USP40: variants seen among roughly 807,000 people sequenced by gnomAD.
USP40 encodes ubiquitin specific peptidase 40.
A neutral mutation model predicts 166.2 loss-of-function variants in USP40; 143 were observed. The observed-to-expected ratio is 0.86, with a 90% CI of 0.75 to 0.99. The LOEUF (loss-of-function observed/expected upper bound fraction) is 0.99. Among genes scored for constraint, USP40 ranks in the 50% least tolerant of loss-of-function variants. The probability of loss-of-function intolerance (pLI) is 0.00; values close to 1 mark genes in which losing one functional copy is unlikely to be tolerated. For synonymous variants in USP40, 498 were observed against 524.0 expected, an observed-to-expected ratio of 0.95 and a Z score of 0.68; for missense variants, 1,444 against 1,479.7, an observed-to-expected ratio of 0.98 and a Z score of 0.40.
chr2:233,558,010 A>T (rs917182112), intron 4 of USP40, among the ~76,000 whole-genome samples: 1 of 151,184 alleles, frequency 6.6e-6, no homozygotes, highest in Non-Finnish European at 1.5e-5. Flanking sequence ...TCAAAAAAAA[A>T]AAAAAAAAAA....
At chr2:233,537,073 G>A (rs1296470939) in intron 10 of USP40, among the ~76,000 whole-genome samples, 1 of 152,046 alleles carries the variant, frequency 6.6e-6, no homozygotes, top group Non-Finnish European at 1.5e-5. Flanking sequence ...TTGTACAGAT[G>A]GGGTCTTGCT....
chr2:233,545,061 GCAAA>G (rs1180999657), intron 8 of USP40, among the ~76,000 whole-genome samples: 1 of 152,038 alleles, frequency 6.6e-6, no homozygotes, highest in Non-Finnish European at 1.5e-5. Context: ...TTCTTAAAAA[GCAAA>G]CAAACAAGCA....
chr2:233,550,252 T>G (rs2070428958), intron 7 of USP40, among the ~76,000 whole-genome samples: 2 of 152,132 alleles, frequency 1.3e-5, no homozygotes, highest in East Asian at 1.9e-4. Context: ...GCCAAGTGAC[T>G]TTTTTCCATT....
chr2:233,489,575 T>A, intron 26 of USP40, 92 bp from the exon 27 acceptor site: 1 of 993,818 alleles, frequency 1.0e-6, no homozygotes, highest in Non-Finnish European at 1.5e-6. Flanking sequence ...CACTACACAG[T>A]GGCATCTCAA....
At chr2:233,522,676 C>G (rs838544) in intron 16 of USP40, among the ~76,000 whole-genome samples, 41,847 of 152,012 alleles carry the variant, frequency 0.28, 6,658 homozygotes, top group African/African-American at 0.45. Flanking sequence ...TAATTCGCCA[C>G]GTAACTGCTC....
Position 233,565,366 on chromosome 2 carries a change from A to T in USP40, c.189T>A (p.Pro63=). The stretch of plus-strand genomic sequence containing the variant: ...CGTAACATAGCATACCTCTGAATTC[A>T]GGTGTGAAATGAAGAGTCTGAAGAA... ...NSLLQTLHFT[P]EFREALFSLG... The change falls in exon 2 of 32, where the codon CCT becomes CCA. Residue 63 remains proline (P), a synonymous_variant. Coordinates refer to ENST00000678225, the MANE Select transcript of USP40 (RefSeq NM_001365479.2). The T allele has an allele frequency of 6.5e-7, 1 of 1,536,240 alleles. No homozygotes were observed. Among genetic ancestry groups the T allele is most frequent in the Non-Finnish European group, 8.7e-7 (1 of 1,145,974 alleles).
rs903632404 is a variant in USP40, at chr2:233,476,253, G to A, written c.*1139C>T. 7.9e-5 allele frequency: 12 copies of A among 152,318 alleles called. No homozygotes were observed. Among genetic ancestry groups the A allele is most frequent in the African/African-American group, 2.2e-4 (9 of 41,428 alleles). The allele number at this position is 152,318 out of a possible 1,614,324, so 9.4% of individuals were successfully genotyped here. On this transcript the variant is annotated 3_prime_UTR_variant, in exon 32 of 32. Coordinates refer to ENST00000678225, the MANE Select transcript of USP40 (RefSeq NM_001365479.2). ...TTCAGTGCTGCTTCCCATCAGTGAC[G>A]GGGCTGACGAGAAACCGTGAGGCCC... is the stretch of plus-strand genomic sequence containing the variant.
At position 233,493,318 on chromosome 2, in the gene USP40, G is replaced by C; in HGVS notation, c.2917+107C>G. The C allele has an allele frequency of 6.8e-7, 1 of 1,470,278 alleles. No homozygotes were observed. Among genetic ancestry groups the C allele is most frequent in the Non-Finnish European group, 9.3e-7 (1 of 1,073,764 alleles). 91.1% of individuals were successfully genotyped at this position (1,470,278 alleles called of 1,614,324 possible). A position where few individuals can be genotyped will look rare whatever the true frequency, so the allele number is the denominator to read the frequency against. ...GAAATTAATAGGTCTTGATTTTCAA[G>C]ATCTTACGTTTTAAAAATAAATATA... On this transcript the variant is annotated intron_variant, in intron 25 of 31. Coordinates refer to ENST00000678225, the MANE Select transcript of USP40 (RefSeq NM_001365479.2). This position sits in a 1 kb window ranked among gnomAD's most constrained non-coding sequence, Gnocchi z 4.7.
Position 233,486,062 on chromosome 2 carries a change from C to A in USP40, c.3198-85G>T. The A allele has an allele frequency of 7.1e-7, 1 of 1,409,450 alleles. No homozygotes were observed. 87.3% of individuals were successfully genotyped at this position (1,409,450 alleles called of 1,614,324 possible). The stretch of plus-strand genomic sequence containing the variant: ...TTGAGGCATAATGGGCAAAGCTTCT[C>A]CTCCAGCTTTTCTGGTTTTTATAAG... On this transcript the variant is annotated intron_variant, in intron 28 of 31. Coordinates refer to ENST00000678225, the MANE Select transcript of USP40 (RefSeq NM_001365479.2). This position sits in a 1 kb window ranked among gnomAD's most constrained non-coding sequence, Gnocchi z 4.0.
rs1229015106 is a variant in USP40, at chr2:233,523,505, G to A, written c.1882-16C>T. 6.2e-7 allele frequency: 1 copy of A among 1,604,840 alleles called. No homozygotes were observed. The highest frequency in any genetic ancestry group is 1.3e-5 in the African/African-American group (1 of 74,798). On this transcript the variant is annotated splice_polypyrimidine_tract_variant and intron_variant, in intron 15 of 31. Transcript: ENST00000678225. ...CTCCACCAACCTGCAATCATACCAA[G>A]ACAACCATTAGTACAGCTGATATTT...
chr2:233,514,912 T>C (rs187994025), intron 18 of USP40, among the ~76,000 whole-genome samples: 1 of 152,318 alleles, frequency 6.6e-6, no homozygotes, highest in Admixed American at 6.5e-5. Flanking sequence ...TTGCAGCCAA[T>C]CCCTCTTCCT....
rs71058559 is a variant in USP40 at position 233,494,956 on chromosome 2, TTATATATA to T, written c.2791-1413_2791-1406del. 1.5e-3 allele frequency among the ~76,000 whole-genome samples: 53 copies of T among 35,494 alleles called. 2 individuals are homozygous for T. Among genetic ancestry groups the T allele is most frequent in the African/African-American group, 3.6e-3 (32 of 8,804 alleles). 23.3% of individuals were successfully genotyped at this position (35,494 alleles called of 152,430 possible). A position where few individuals can be genotyped will look rare whatever the true frequency, so the allele number is the denominator to read the frequency against. ...TATATATATATATATATATATATAT[TTATATATA>T]TATATATATATATATACACACACAT... On this transcript the variant is annotated intron_variant, in intron 24 of 31. Coordinates refer to ENST00000678225, the MANE Select transcript of USP40 (RefSeq NM_001365479.2).
At position 233,527,488 on chromosome 2, in the gene USP40, T is replaced by A; in HGVS notation, c.1644A>T (p.Val548=). The part of the protein sequence containing the change: ...YHFFNGALHP[V]VSQTESVWDL... ...CCCACACGCTTTCTGTTTGAGAGACTACTGGGTGCAGAGCCCCATTGAAGA... is the reference window on the plus strand; with the variant it reads ...CCCACACGCTTTCTGTTTGAGAGACAACTGGGTGCAGAGCCCCATTGAAGA... The change falls in exon 13 of 32, where the codon GTA becomes GTT. Residue 548 remains valine (V), a synonymous_variant. Transcript: ENST00000678225. 3.7e-6 allele frequency: 6 copies of A among 1,613,826 alleles called. No homozygotes were observed. The highest frequency in any genetic ancestry group is 5.1e-6 in the Non-Finnish European group (6 of 1,179,776).
At chr2:233,521,485 G>A (rs1444846979) in intron 16 of USP40, among the ~76,000 whole-genome samples, 1 of 152,186 alleles carries the variant, frequency 6.6e-6, no homozygotes, top group Admixed American at 6.5e-5. Flanking sequence ...GCAGCCATGT[G>A]CAGTCTGTAG....
intron 6 of USP40, among the ~76,000 whole-genome samples, chr2:233,551,726 T>A (rs140387223): frequency 0.018 from 2,673 of 152,316 alleles, 75 homozygotes; most frequent in Admixed American, 0.074. Flanking sequence ...TGCTTACAAT[T>A]AATAATTTAC....
In USP40 at chr2:233,562,797, A is replaced by G; in HGVS notation, c.206T>C (p.Leu69Pro). 1 of 1,532,916 alleles carries G rather than the reference A, an allele frequency of 6.5e-7. No homozygotes were observed. 95.0% of individuals were successfully genotyped at this position (1,532,916 alleles called of 1,614,324 possible). The change falls in exon 3 of 32, where the codon CTA becomes CCA. Residue 69 changes from leucine to proline, a missense_variant. Transcript: ENST00000678225. ...AAGCTCTTCTGGGCCAAGAGAAAAT[A>G]GAGCTTCTAAAGAAAAAGGTAGAAT... ...LHFTPEFREA[L>P]FSLGPEELGL... is the part of the protein sequence containing the mutation.
intron 21 of USP40, among the ~76,000 whole-genome samples, chr2:233,506,625 T>C (rs2066432438): frequency 6.6e-6 from 1 of 151,348 alleles, no homozygotes; most frequent in Non-Finnish European, 1.5e-5. Flanking sequence ...CTGGGCGGGG[T>C]TGCTCACGCC....
chr2:233,494,154 AATAG>A lies in USP40; in HGVS notation c.2791-607_2791-604del, dbSNP rs1444342106. Among the ~76,000 whole-genome samples the A allele has an allele frequency of 6.6e-5, 10 of 152,246 alleles. No homozygotes were observed. In the South Asian group the frequency reaches 1.7e-3, roughly 25 times the overall value. Reference sequence around the variant, plus strand: ...AAAATTAACCACCTAAAACATTTTAAATAGATAGTTCAAGAAATGTGCATTAGAA... The same window carrying A: ...AAAATTAACCACCTAAAACATTTTAAATAGTTCAAGAAATGTGCATTAGAA... On this transcript the variant is annotated intron_variant, in intron 24 of 31. Transcript: ENST00000678225.
At chr2:233,522,880 G>C (rs2067753808) in intron 16 of USP40, among the ~76,000 whole-genome samples, 1 of 152,120 alleles carries the variant, frequency 6.6e-6, no homozygotes, top group Non-Finnish European at 1.5e-5. Flanking sequence ...GAATTCACTT[G>C]ATAACTTTTG....
Sources: allele counts gnomAD v4.1 joint callset (sites outside exome capture counted in the v4.1 genomes callset), GRCh38; gene constraint gnomAD v4.1.1; non-coding constraint Gnocchi (gnomAD v3.1); transcripts MANE v1.5; gene names NCBI Gene and HGNC (gene_info 2026-07-23, HGNC 2026-07-21).